DNAI1: variants seen among roughly 807,000 people sequenced by gnomAD.
DNAI1 encodes the protein dynein, axonemal, intermediate polypeptide 1.
DNAI1 carries 67 observed loss-of-function variants against 92.0 expected under a neutral mutation model. The observed-to-expected ratio is 0.73, with a 90% CI of 0.60 to 0.89. The LOEUF (loss-of-function observed/expected upper bound fraction) is 0.89, where lower values mean the gene tolerates loss of function less well. Among genes scored for constraint, DNAI1 ranks in the 40% least tolerant of loss-of-function variants. DNAI1 has a pLI of 0.00. For synonymous variants in DNAI1, 323 were observed against 319.6 expected (o/e 1.01, Z -0.11); for missense variants, 839 against 866.6 (o/e 0.97, Z 0.40).
intron 9 of DNAI1, among the ~76,000 whole-genome samples, chr9:34,494,099 G>T (rs554476944): frequency 6.6e-6 from 1 of 152,082 alleles, no homozygotes; most frequent in Non-Finnish European, 1.5e-5. Flanking sequence ...TTGCAGTGGC[G>T]TGGGAGGGAC....
intron 19 of DNAI1, among the ~76,000 whole-genome samples, chr9:34,517,750 G>A (rs547169841): frequency 3.3e-5 from 5 of 152,232 alleles, no homozygotes; most frequent in African/African-American, 7.2e-5. Flanking sequence ...AAATGTGGAG[G>A]TATCATTGAT....
chr9:34,489,222 C>T, intron 4 of DNAI1, 101 bp from the exon 5 acceptor site: 2 of 1,435,050 alleles, frequency 1.4e-6, no homozygotes, highest in Non-Finnish European at 9.8e-7. Flanking sequence ...TTTCCTTTAA[C>T]AAAGATGGAC....
At chr9:34,499,604 G>A (rs1157696268) in intron 10 of DNAI1, among the ~76,000 whole-genome samples, 1 of 152,142 alleles carries the variant, frequency 6.6e-6, no homozygotes, top group Non-Finnish European at 1.5e-5. Flanking sequence ...GGCAGGGCTG[G>A]AACAGAGGAA....
At position 34,513,097 on chromosome 9, in the gene DNAI1, C is replaced by A; in HGVS notation, c.1490-15C>A. The A allele has an allele frequency of 6.2e-7, 1 of 1,611,918 alleles. No homozygotes were observed. Among genetic ancestry groups the A allele is most frequent in the Non-Finnish European group, 8.5e-7 (1 of 1,178,048 alleles). On this transcript the variant is annotated splice_polypyrimidine_tract_variant and intron_variant, in intron 15 of 19. Transcript: ENST00000242317. ...TTGGAACTGGGCTAAGCCTGCCCCT[C>A]CCTCTTTTCCCAAGGTTGTGGCACT...
intron 1 of DNAI1, among the ~76,000 whole-genome samples, chr9:34,470,963 C>T (rs949514433): frequency 1.3e-4 from 20 of 152,124 alleles, no homozygotes; most frequent in Non-Finnish European, 1.8e-4. Context: ...ATAATATCTT[C>T]AAAATCTCTG....
chr9:34,483,204 G>A (rs1824404714), intron 1 of DNAI1, among the ~76,000 whole-genome samples: 1 of 152,208 alleles, frequency 6.6e-6, no homozygotes. Flanking sequence ...TCCGGCCTTG[G>A]CCAGCCCAGA....
chr9:34,459,853 A>G (rs1823912007), intron 1 of DNAI1, among the ~76,000 whole-genome samples: 1 of 152,204 alleles, frequency 6.6e-6, no homozygotes, highest in Non-Finnish European at 1.5e-5. Flanking sequence ...AGAGAACTAA[A>G]CAGAATACAG....
chr9:34,494,519 G>T (rs74651428), intron 9 of DNAI1, among the ~76,000 whole-genome samples: 1,639 of 152,228 alleles, frequency 0.011, 31 homozygotes, highest in African/African-American at 0.037. Flanking sequence ...CCTAGGTCAG[G>T]GTTCACATGA....
Position 34,467,198 on chromosome 9 carries a change from A to G in DNAI1, c.48+8145A>G, listed in dbSNP as rs116772379. Reference sequence around the variant, plus strand: ...GGGGCCTCAGATTTCTTCTAGTCCAATGCTTTCATTCAGGGCTGATATTTA... The same window carrying G: ...GGGGCCTCAGATTTCTTCTAGTCCAGTGCTTTCATTCAGGGCTGATATTTA... On this transcript the variant is annotated intron_variant, in intron 1 of 19. Coordinates refer to ENST00000242317, the MANE Select transcript of DNAI1 (RefSeq NM_012144.4). 2.5e-3 allele frequency among the ~76,000 whole-genome samples: 383 copies of G among 152,266 alleles called. 1 individual carries two copies. The highest frequency in any genetic ancestry group is 7.4e-3 in the African/African-American group (306 of 41,538).
At chr9:34,496,694 A>G (rs1206847634) in intron 9 of DNAI1, among the ~76,000 whole-genome samples, 1 of 152,104 alleles carries the variant, frequency 6.6e-6, no homozygotes, top group African/African-American at 2.4e-5. Flanking sequence ...GAGGCCTTTA[A>G]TGGGAGTCTT....
intron 1 of DNAI1, among the ~76,000 whole-genome samples, chr9:34,473,669 A>G (rs893925410): frequency 5.9e-5 from 9 of 152,106 alleles, no homozygotes; most frequent in African/African-American, 1.4e-4. Flanking sequence ...CCTATTAGCA[A>G]TTTTCAAGAA....
chr9:34,483,293 C>G (rs1382361464), intron 1 of DNAI1, among the ~76,000 whole-genome samples, 155 bp from the exon 2 acceptor site: 1 of 152,236 alleles, frequency 6.6e-6, no homozygotes, highest in East Asian at 1.9e-4. Flanking sequence ...GGGGAGGTGC[C>G]GAGAGCAAGC....
At chr9:34,518,984 C>G (rs1437912149) in intron 19 of DNAI1, among the ~76,000 whole-genome samples, 1 of 151,574 alleles carries the variant, frequency 6.6e-6, no homozygotes, top group Non-Finnish European at 1.5e-5. Context: ...TAAGCATCTC[C>G]CATAGTTTCA....
At chr9:34,468,499 T>G (rs1402038784) in intron 1 of DNAI1, among the ~76,000 whole-genome samples, 2 of 118,218 alleles carry the variant, frequency 1.7e-5, no homozygotes, top group East Asian at 4.0e-4. Context: ...AAGAAGGTTT[T>G]GTTTTGTTTT....
intron 1 of DNAI1, among the ~76,000 whole-genome samples, chr9:34,477,234 G>A (rs1824256259): frequency 6.6e-6 from 1 of 152,062 alleles, no homozygotes; most frequent in Non-Finnish European, 1.5e-5. Context: ...GCCCAGGCTG[G>A]TCTTGAACTC....
intron 1 of DNAI1, 129 bp from the exon 2 acceptor site, chr9:34,483,319 T>A: frequency 1.8e-5 from 16 of 879,156 alleles, no homozygotes; most frequent in Non-Finnish European, 2.9e-5. Flanking sequence ...CTCTGAGGAC[T>A]GCCAGCACGC....
Position 34,489,307 on chromosome 9 carries a change from GC to G in DNAI1, c.262-12del, listed in dbSNP as rs572785591. The G allele has an allele frequency of 7.0e-4, 1,134 of 1,613,726 alleles. 12 individuals carry two copies. Among genetic ancestry groups the G allele is most frequent in the Non-Finnish European group, 3.6e-5 (43 of 1,179,802 alleles). On this transcript the variant is annotated splice_polypyrimidine_tract_variant and intron_variant, in intron 4 of 19. Coordinates refer to ENST00000242317, the MANE Select transcript of DNAI1 (RefSeq NM_012144.4). ...TTTTAGGGATCCCTGGTCTGACTCA[GC>G]CCCTCTCTTCTTAGGAAGGCACATA...
rs756304613 is a variant in DNAI1, at chr9:34,489,571, C to T, written c.388+122C>T. 7.0e-5 allele frequency: 88 copies of T among 1,255,938 alleles called. No homozygotes were observed. In the Middle Eastern group the frequency reaches 1.1e-3, roughly 15 times the overall value. 77.8% of individuals were successfully genotyped at this position (1,255,938 alleles called of 1,614,324 possible). A position where few individuals can be genotyped will look rare whatever the true frequency, so the allele number is the denominator to read the frequency against. On this transcript the variant is annotated intron_variant, in intron 5 of 19. Coordinates refer to ENST00000242317, the MANE Select transcript of DNAI1 (RefSeq NM_012144.4). ...GCTTCTGCTAACATAAACTCCAGGC[C>T]GGGCAGGGTGGTTCTTGCCTATAAT...
intron 13 of DNAI1, among the ~76,000 whole-genome samples, chr9:34,509,349 G>A (rs1825019417): frequency 6.6e-6 from 1 of 152,184 alleles, no homozygotes; most frequent in African/African-American, 2.4e-5. Context: ...GAAGCACCCT[G>A]CACTTATCTA....
Sources: allele counts gnomAD v4.1 joint callset (sites outside exome capture counted in the v4.1 genomes callset), GRCh38; gene constraint gnomAD v4.1.1; transcripts MANE v1.5; gene names NCBI Gene and HGNC (gene_info 2026-07-23, HGNC 2026-07-21).